CSTF3: variants seen among roughly 807,000 people sequenced by gnomAD.
CSTF3 encodes cleavage stimulation factor subunit 3.
CSTF3 carries 29 observed loss-of-function variants against 105.8 expected under a neutral mutation model. The observed-to-expected ratio is 0.27, with a 90% CI of 0.20 to 0.37. CSTF3 has a LOEUF of 0.37. Ranked by LOEUF, CSTF3 falls within the 10% of genes least tolerant of loss-of-function variation. CSTF3 has a pLI of 1.00. For synonymous variants in CSTF3, 252 were observed against 281.9 expected, an observed-to-expected ratio of 0.89 and a Z score of 1.06; for missense variants, 357 against 879.3, an observed-to-expected ratio of 0.41 and a Z score of 7.51.
rs1396147757 is a variant in CSTF3 at position 33,085,061 on chromosome 11, A to T, written c.*26T>A. The T allele has an allele frequency of 1.2e-6, 2 of 1,612,458 alleles. No homozygotes were observed. The highest frequency in any genetic ancestry group is 1.7e-6 in the Non-Finnish European group (2 of 1,178,540). On this transcript the variant is annotated 3_prime_UTR_variant, in exon 21 of 21. Coordinates refer to ENST00000323959, the MANE Select transcript of CSTF3 (RefSeq NM_001326.3). ...TGAGGCAAAAGGAATCCTGGACAGG[A>T]GTTTTCTGCAGAGGCGTTTAAAACC... is the stretch of plus-strand genomic sequence containing the variant.
chr11:33,137,093 A>C (rs541288753), intron 3 of CSTF3, among the ~76,000 whole-genome samples: 2 of 152,004 alleles, frequency 1.3e-5, no homozygotes, highest in South Asian at 2.1e-4. Flanking sequence ...GAATATAAAG[A>C]AGCTGAGTTT....
intron 3 of CSTF3, chr11:33,134,612 A>G (rs1406956546): frequency 3.3e-5 from 5 of 152,196 alleles, no homozygotes; most frequent in South Asian, 4.1e-4. Flanking sequence ...GTAATTCTAA[A>G]TATCATTAGT....
At chr11:33,091,715 T>A (rs1338109637) in intron 16 of CSTF3, among the ~76,000 whole-genome samples, 1 of 152,126 alleles carries the variant, frequency 6.6e-6, no homozygotes, top group Non-Finnish European at 1.5e-5. Flanking sequence ...AGGTATCTTT[T>A]TTGTTGTTGT....
chr11:33,148,898 A>C (rs1351304811), intron 1 of CSTF3, among the ~76,000 whole-genome samples: 1 of 144,650 alleles, frequency 6.9e-6, no homozygotes, highest in African/African-American at 2.5e-5. Flanking sequence ...GGCTCTCTCT[A>C]CATTGCTGAT....
At chr11:33,159,190 G>C (rs946670000) in intron 1 of CSTF3, among the ~76,000 whole-genome samples, 4 of 152,054 alleles carry the variant, frequency 2.6e-5, no homozygotes, top group African/African-American at 7.3e-5. Context: ...GTGGTGGCTC[G>C]TGCCTGTCTG....
intron 3 of CSTF3, among the ~76,000 whole-genome samples, chr11:33,122,926 AAAAAAAAAGAAAAG>A (rs1855506477): frequency 6.6e-6 from 1 of 150,856 alleles, no homozygotes; most frequent in Non-Finnish European, 1.5e-5. Flanking sequence ...AAAAAAAAAA[AAAAAAAAAGAAAAG>A]AAAAAAGAAA....
At chr11:33,152,828 C>T (rs1849804986) in intron 1 of CSTF3, among the ~76,000 whole-genome samples, 2 of 152,060 alleles carry the variant, frequency 1.3e-5, no homozygotes, top group East Asian at 3.9e-4. Context: ...GGTGTGGGCA[C>T]ATGCCTGTAG....
At chr11:33,145,964 C>T (rs1238470086) in intron 1 of CSTF3, among the ~76,000 whole-genome samples, 3 of 151,922 alleles carry the variant, frequency 2.0e-5, no homozygotes, top group Non-Finnish European at 4.4e-5. Context: ...TGGCCAGGGG[C>T]GATGGCTCAG....
At chr11:33,139,529 T>C (rs1185220996) in intron 3 of CSTF3, among the ~76,000 whole-genome samples, 2 of 151,902 alleles carry the variant, frequency 1.3e-5, no homozygotes, top group Admixed American at 6.6e-5. Flanking sequence ...AAGAAAACTT[T>C]AGCCTCTCAC....
chr11:33,126,600 CA>C lies in CSTF3; in HGVS notation c.225+15066del, dbSNP rs547510563. On this transcript the variant is annotated intron_variant, in intron 3 of 20. Transcript: ENST00000323959. The stretch of plus-strand genomic sequence containing the variant: ...CTTTTTAGTGTTCTAAAAATAAAGA[CA>C]TTTTTTTAACCTGTCACAGTAAAGG... Among the ~76,000 whole-genome samples the C allele has an allele frequency of 1.0e-3, 159 of 152,216 alleles. 1 individual carries two copies. The highest frequency in any genetic ancestry group is 1.6e-3 in the Non-Finnish European group (109 of 68,000).
At chr11:33,119,412 A>G (rs1039196246) in intron 3 of CSTF3, among the ~76,000 whole-genome samples, 6 of 151,872 alleles carry the variant, frequency 4.0e-5, no homozygotes, top group African/African-American at 1.4e-4. Flanking sequence ...GAAATCAAGT[A>G]TAACATTTAT....
intron 3 of CSTF3, among the ~76,000 whole-genome samples, chr11:33,120,181 TG>T (rs1297697992): frequency 6.6e-6 from 1 of 151,638 alleles, no homozygotes; most frequent in Non-Finnish European, 1.5e-5. Flanking sequence ...TAATTAGGAC[TG>T]GCTAAACAGC....
At chr11:33,112,996 C>A (rs1590270475) in intron 3 of CSTF3, among the ~76,000 whole-genome samples, 1 of 151,920 alleles carries the variant, frequency 6.6e-6, no homozygotes, top group Non-Finnish European at 1.5e-5. Context: ...TTGCTTGAGG[C>A]CACGAATTCA....
chr11:33,142,074 G>C lies in CSTF3; in HGVS notation c.28-88C>G, dbSNP rs1855718438. ...TTCATGAACAATAAAGTCCTCAGATGCAATGTCACATTACAAAGCATAAAA... is the reference window on the plus strand; with the variant it reads ...TTCATGAACAATAAAGTCCTCAGATCCAATGTCACATTACAAAGCATAAAA... On this transcript the variant is annotated intron_variant, in intron 1 of 20. Coordinates refer to ENST00000323959, the MANE Select transcript of CSTF3 (RefSeq NM_001326.3). 3 of 1,571,412 alleles carry C rather than the reference G, an allele frequency of 1.9e-6. No homozygotes were observed. The East Asian group carries it at 6.8e-5, about 36-fold the overall frequency.
chr11:33,122,914 C>CAAAAAAAAAAAAAAAAAAAAAAAAAA (rs10600978), intron 3 of CSTF3, among the ~76,000 whole-genome samples: 6 of 83,828 alleles, frequency 7.2e-5, no homozygotes, highest in East Asian at 3.3e-4. Flanking sequence ...TATCCTGTCT[C>CAAAAAAAAAAAAAAAAAAAAAAAAAA]AAAAAAAAAA....
chr11:33,142,049 T>C, intron 1 of CSTF3, 63 bp from the exon 2 acceptor site: 2 of 1,602,800 alleles, frequency 1.2e-6, no homozygotes, highest in Non-Finnish European at 1.7e-6. Flanking sequence ...CCTAACTTAA[T>C]TCATGAACAA....
At chr11:33,106,771 T>C (rs921390112) in intron 5 of CSTF3, among the ~76,000 whole-genome samples, 3 of 152,172 alleles carry the variant, frequency 2.0e-5, no homozygotes, top group African/African-American at 7.2e-5. Flanking sequence ...GCTCATGTCT[T>C]ACTTATCTTT....
rs561850384 is a variant in CSTF3 at position 33,142,040 on chromosome 11, C to T, written c.28-54G>A. 2.5e-6 allele frequency: 4 copies of T among 1,607,726 alleles called. No homozygotes were observed. In the South Asian group the frequency reaches 3.3e-5, roughly 13 times the overall value. ...AGTTACTGTTTTAAAAATCTCATGCCTAACTTAATTCATGAACAATAAAGT... is the reference window on the plus strand; with the variant it reads ...AGTTACTGTTTTAAAAATCTCATGCTTAACTTAATTCATGAACAATAAAGT... On this transcript the variant is annotated intron_variant, in intron 1 of 20. Transcript: ENST00000323959.
At chr11:33,118,348 C>T (rs1234619558) in intron 3 of CSTF3, among the ~76,000 whole-genome samples, 1 of 151,888 alleles carries the variant, frequency 6.6e-6, no homozygotes, top group Non-Finnish European at 1.5e-5. Context: ...ATATATAGGG[C>T]ATCTATCAAC....
Sources: gnomAD v4.1 joint callset for allele counts (sites outside exome capture counted in the v4.1 genomes callset) on GRCh38, gnomAD v4.1.1 for gene constraint, MANE v1.5 for transcripts, NCBI Gene and HGNC (gene_info 2026-07-23, HGNC 2026-07-21) for gene names.